The following PI4KB variants were observed in gnomAD, a reference collection of about 807,000 sequenced individuals.
PI4KB encodes phosphatidylinositol 4-kinase beta.
PI4KB carries 23 observed loss-of-function variants against 81.4 expected under a neutral mutation model. The ratio of observed to expected loss-of-function variants is 0.28; its 90% CI spans 0.20 to 0.40. The LOEUF is 0.40. PI4KB is among the 10% of genes least tolerant of loss of function. The pLI, the probability that PI4KB is intolerant of heterozygous loss-of-function variation, is 1.00. For synonymous variants in PI4KB, 381 were observed against 406.8 expected (o/e 0.94, Z 0.76); for missense variants, 651 against 1,036.6 (o/e 0.63, Z 5.11).
rs1360620762 is a variant in PI4KB, at chr1:151,316,521, G to A, written c.-28-12C>T. The A allele has an allele frequency of 6.6e-7, 1 of 1,503,940 alleles. No homozygotes were observed. Among genetic ancestry groups the A allele is most frequent in the Non-Finnish European group, 8.9e-7 (1 of 1,125,002 alleles). 93.2% of individuals were successfully genotyped at this position (1,503,940 alleles called of 1,614,324 possible). On this transcript the variant is annotated splice_polypyrimidine_tract_variant and intron_variant, in intron 1 of 11. Transcript: ENST00000368873. ...TTCGAGCTTCCAAGCTACAGGAAGA[G>A]GGAGGGAGAAAAGAACAGAAAGGGA... is the stretch of plus-strand genomic sequence containing the variant.
chr1:151,327,536 T>G (rs1649842435), upstream of PI4KB: 1 of 392,622 alleles, frequency 2.5e-6, no homozygotes, highest in East Asian at 3.6e-5. Flanking sequence ...TAAAATAAAA[T>G]AAAATTCCCC....
intron 4 of PI4KB, among the ~76,000 whole-genome samples, chr1:151,307,153 T>C (rs774261927): frequency 1.3e-5 from 2 of 152,182 alleles, no homozygotes; most frequent in Non-Finnish European, 2.9e-5. Context: ...CCAGTGTGAA[T>C]TGGGCATCCT....
intron 1 of PI4KB, among the ~76,000 whole-genome samples, chr1:151,317,897 C>T (rs1648208230): frequency 6.6e-6 from 1 of 152,180 alleles, no homozygotes; most frequent in Non-Finnish European, 1.5e-5. Context: ...TAACCTTGAA[C>T]TCCTAGGCTC....
intron 4 of PI4KB, among the ~76,000 whole-genome samples, chr1:151,306,656 G>A (rs1695783898): frequency 6.6e-6 from 1 of 152,202 alleles, no homozygotes; most frequent in South Asian, 2.1e-4. Flanking sequence ...CAGGCTGTAA[G>A]GGAGGCCTAG....
At chr1:151,296,767 G>A (rs996289834) in intron 9 of PI4KB, among the ~76,000 whole-genome samples, 1 of 150,758 alleles carries the variant, frequency 6.6e-6, no homozygotes, top group African/African-American at 2.4e-5. Context: ...ACCACACCCA[G>A]CCTAAGACTA....
rs767686190 is a variant in PI4KB at position 151,310,264 on chromosome 1, G to A, written c.910-9C>T. Reference sequence around the variant, plus strand: ...GTGCTGGAGGAGAGCTCCTGGGAAAGGGCCAGAGGGCAAAGGGAGAAGGAG... The same window carrying A: ...GTGCTGGAGGAGAGCTCCTGGGAAAAGGCCAGAGGGCAAAGGGAGAAGGAG... On this transcript the variant is annotated splice_polypyrimidine_tract_variant and intron_variant, in intron 2 of 11. Transcript: ENST00000368873. The A allele has an allele frequency of 6.3e-7, 1 of 1,587,658 alleles. No homozygotes were observed. Among genetic ancestry groups the A allele is most frequent in the Non-Finnish European group, 8.6e-7 (1 of 1,162,904 alleles).
chr1:151,316,587 T>G, intron 1 of PI4KB, 78 bp from the exon 2 acceptor site: 9 of 1,020,452 alleles, frequency 8.8e-6, no homozygotes, highest in South Asian at 2.2e-5. Context: ...TCCTCAGATC[T>G]TCCCTTTGCT....
chr1:151,327,549 C>T (rs988775577), upstream of PI4KB: 7 of 392,458 alleles, frequency 1.8e-5, no homozygotes, highest in African/African-American at 1.0e-4. Context: ...AATTCCCCAG[C>T]AGGTCTCGAT....
rs979632700 is a variant in PI4KB, at chr1:151,306,853, G to A, written c.1183-490C>T. On this transcript the variant is annotated intron_variant, in intron 4 of 11. Coordinates refer to ENST00000368873, the MANE Select transcript of PI4KB (RefSeq NM_001369623.2). ...GCACTTTGGGGGGCCGAGGCGGGTG[G>A]ATCATGAGGTCAGGAGTTCAAGACC... Among the ~76,000 whole-genome samples the A allele has an allele frequency of 3.3e-5, 5 of 152,210 alleles. No homozygotes were observed. In the South Asian group the frequency reaches 1.0e-3, roughly 32 times the overall value.
chr1:151,292,789 C>A lies in PI4KB; in HGVS notation c.*63G>T. ...TGGGGTTTCCTGGTTTGGGGTTTCTCAGACAAGGGCCCTCTAGGGAGGGTG... is the reference window on the plus strand; with the variant it reads ...TGGGGTTTCCTGGTTTGGGGTTTCTAAGACAAGGGCCCTCTAGGGAGGGTG... On this transcript the variant is annotated 3_prime_UTR_variant, in exon 12 of 12. Transcript: ENST00000368873. 1 of 1,488,930 alleles carries A rather than the reference C, an allele frequency of 6.7e-7. No individual in the cohort carries two copies. The highest frequency in any genetic ancestry group is 2.0e-5 in the Admixed American group (1 of 49,800). 92.2% of individuals were successfully genotyped at this position (1,488,930 alleles called of 1,614,324 possible). A position where few individuals can be genotyped will look rare whatever the true frequency, so the allele number is the denominator to read the frequency against.
chr1:151,307,910 G>T, intron 3 of PI4KB, 109 bp from the exon 4 acceptor site: 1 of 771,626 alleles, frequency 1.3e-6, no homozygotes, highest in Non-Finnish European at 2.2e-6. Context: ...ACTATCTGGA[G>T]AACTCCAGGA....
rs1434696434 is a variant in PI4KB, at chr1:151,303,784, G to A, written c.1411-134C>T. The A allele has an allele frequency of 4.5e-6, 3 of 670,096 alleles. No homozygotes were observed. The East Asian group carries it at 8.0e-5, about 18-fold the overall frequency. The allele number at this position is 670,096 out of a possible 1,614,324, so 41.5% of individuals were successfully genotyped here. On this transcript the variant is annotated intron_variant, in intron 5 of 11. Coordinates refer to ENST00000368873, the MANE Select transcript of PI4KB (RefSeq NM_001369623.2). ...CTGCTTACACACCATGTTGGTTACT[G>A]GGACCCCAGGCTGCCCAGAGCAGCA...
Position 151,315,797 on chromosome 1 carries a change from G to A in PI4KB, c.685C>T (p.Arg229Ter), listed in dbSNP as rs1647843827. Residue 229 changes from arginine to a stop codon, truncating the protein, a stop_gained, in exon 2 of 12, where the codon CGA becomes TGA. Coordinates refer to ENST00000368873, the MANE Select transcript of PI4KB (RefSeq NM_001369623.2). LOFTEE classifies it high-confidence loss of function. Reference sequence around the variant, plus strand: ...CGTAGCTTGGTCCCACGGGAGTGTCGTTGAGTGGAAATGTGCATGTCTGAA... The same window carrying A: ...CGTAGCTTGGTCCCACGGGAGTGTCATTGAGTGGAAATGTGCATGTCTGAA... ...YSSDMHISTQRHSRGTKLRKL... is the reference protein window; with the variant it reads ...YSSDMHISTQ 1 of 1,612,556 alleles carries A rather than the reference G, an allele frequency of 6.2e-7. No individual in the cohort carries two copies. Among genetic ancestry groups the A allele is most frequent in the Non-Finnish European group, 8.5e-7 (1 of 1,179,180 alleles).
At position 151,306,216 on chromosome 1, in the gene PI4KB, C is replaced by G. The variant is rs1352969489; in HGVS notation, c.1330G>C (p.Gly444Arg). 6.2e-7 allele frequency: 1 copy of G among 1,614,040 alleles called. No homozygotes were observed. The highest frequency in any genetic ancestry group is 8.5e-7 in the Non-Finnish European group (1 of 1,180,036). Reference protein sequence around the residue: ...ECGITHEQRAGSFSTVPNYDN... With the variant: ...ECGITHEQRARSFSTVPNYDN... The stretch of plus-strand genomic sequence containing the variant: ...TAGTTGGGCACAGTGCTGAAGCTGC[C>G]AGCTCGCTGCTCATGGGTAATACCA... The change falls in exon 5 of 12, where the codon GGC (glycine) becomes CGC (arginine). Residue 444 changes from glycine to arginine, a missense_variant. Physicochemically the swap from Gly to Arg is moderately radical, Grantham distance 125. Around this residue, in one of 5 missense-constraint regions of PI4KB, gnomAD observed 246 missense variants for 430.1 expected, o/e 0.57. Coordinates refer to ENST00000368873, the MANE Select transcript of PI4KB (RefSeq NM_001369623.2).
chr1:151,316,216 C>A lies in PI4KB; in HGVS notation c.266G>T (p.Cys89Phe). Residue 89 changes from cysteine to phenylalanine, a missense_variant, in exon 2 of 12, where the codon TGC (cysteine) becomes TTC (phenylalanine). Physicochemically the swap from Cys to Phe is radical, Grantham distance 205. Coordinates refer to ENST00000368873, the MANE Select transcript of PI4KB (RefSeq NM_001369623.2). ...NGDGVDSEIR[C>F]LDDPPAQIRE... The stretch of plus-strand genomic sequence containing the variant: ...GATCTGGGCAGGTGGATCATCTAGG[C>A]AACGGATCTCACTGTCCACACCATC... 1 of 1,614,162 alleles carries A rather than the reference C, an allele frequency of 6.2e-7. No homozygotes were observed. The highest frequency in any genetic ancestry group is 1.7e-5 in the Admixed American group (1 of 60,022).
chr1:151,297,088 T>C (rs966933633), intron 9 of PI4KB, among the ~76,000 whole-genome samples: 6 of 152,138 alleles, frequency 3.9e-5, no homozygotes, highest in African/African-American at 1.4e-4. Context: ...AGATGCTACA[T>C]TTCTAATAAG....
chr1:151,294,049 C>T lies in PI4KB; in HGVS notation c.2238G>A (p.Lys746=). The T allele has an allele frequency of 1.3e-5, 21 of 1,614,174 alleles. No homozygotes were observed. The highest frequency in any genetic ancestry group is 1.8e-5 in the Non-Finnish European group (21 of 1,180,030). Residue 746 remains lysine, a synonymous_variant, in exon 11 of 12, where the codon AAG becomes AAA. Coordinates refer to ENST00000368873, the MANE Select transcript of PI4KB (RefSeq NM_001369623.2). ...GLIAARKHMD[K]VVQIVEIMQQ... ...GCATGATCTCCACGATCTGCACCAC[C>T]TTGTCCATGTGTTTCCGAGCGGCAA...
At chr1:151,293,550 G>T in intron 11 of PI4KB, 1 of 494,194 alleles carries the variant, frequency 2.0e-6, no homozygotes, top group Non-Finnish European at 3.2e-6. Flanking sequence ...GGGGGATGAG[G>T]ACAGAAGGGG....
intron 1 of PI4KB, among the ~76,000 whole-genome samples, chr1:151,318,742 A>G (rs1355288854): frequency 6.6e-6 from 1 of 151,156 alleles, no homozygotes; most frequent in Non-Finnish European, 1.5e-5. Flanking sequence ...AAATAAATAA[A>G]ATTAAAGTCT....
Sources: gnomAD v4.1 joint callset for allele counts (sites outside exome capture counted in the v4.1 genomes callset) on GRCh38, gnomAD v4.1.1 for gene constraint, gnomAD v4.1.1 regional missense constraint, MANE v1.5 for transcripts, NCBI Gene and HGNC (gene_info 2026-07-23, HGNC 2026-07-21) for gene names.